SLC25A42: variants seen among roughly 807,000 people sequenced by gnomAD.
SLC25A42 encodes the protein mitochondrial coenzyme A transporter SLC25A42.
Under a neutral mutation model 34.7 loss-of-function variants are expected in SLC25A42, and 19 were observed. The observed-to-expected ratio is 0.55, with a 90% confidence interval of 0.38 to 0.80. The LOEUF (loss-of-function observed/expected upper bound fraction) is 0.80, where lower values mean the gene tolerates loss of function less well. Ranked by LOEUF, SLC25A42 falls within the 30% of genes least tolerant of loss-of-function variation. SLC25A42 has a pLI of 0.00. For synonymous variants in SLC25A42, 205 were observed against 191.2 expected, an observed-to-expected ratio of 1.07 and a Z score of -0.59; for missense variants, 364 against 441.3, an observed-to-expected ratio of 0.82 and a Z score of 1.57.
At chr19:19,074,214 C>G (rs907419466) in intron 1 of SLC25A42, among the ~76,000 whole-genome samples, 1 of 152,104 alleles carries the variant, frequency 6.6e-6, no homozygotes, top group Non-Finnish European at 1.5e-5. Flanking sequence ...CCATAGAGAC[C>G]GCAACAAGGG....
rs150036298 is a variant in SLC25A42 at position 19,103,825 on chromosome 19, C to T, written c.188-1088C>T. Reference sequence around the variant, plus strand: ...TCCGTAAAGTGGAGGCATGGATATCCGCTTCCTCCTTGGCTGGCATGGGCA... The same window carrying T: ...TCCGTAAAGTGGAGGCATGGATATCTGCTTCCTCCTTGGCTGGCATGGGCA... On this transcript the variant is annotated intron_variant, in intron 3 of 7. Coordinates refer to ENST00000318596, the MANE Select transcript of SLC25A42 (RefSeq NM_178526.5). Among the ~76,000 whole-genome samples, 81 of 152,300 alleles carry T rather than the reference C, an allele frequency of 5.3e-4. 2 individuals are homozygous for T. In the South Asian group the frequency reaches 6.8e-3, roughly 13 times the overall value.
Position 19,081,213 on chromosome 19 carries a change from C to CTT in SLC25A42, c.-34-14877_-34-14876dup, listed in dbSNP as rs1324790739. ...GAAGGAGAAATACCCTCCCCACAGA[C>CTT]TTGTCATTGGGGCACATTTCTGCAG... On this transcript the variant is annotated intron_variant, in intron 1 of 7. Transcript: ENST00000318596. The surrounding 1 kb of genome is among the most constrained non-coding windows in gnomAD (Gnocchi z 4.5). Among the ~76,000 whole-genome samples the CTT allele has an allele frequency of 6.6e-6, 1 of 151,972 alleles. No homozygotes were observed. Among genetic ancestry groups the CTT allele is most frequent in the Non-Finnish European group, 1.5e-5 (1 of 67,968 alleles).
At chr19:19,088,693 T>A (rs1337347995) in intron 1 of SLC25A42, among the ~76,000 whole-genome samples, 2 of 150,038 alleles carry the variant, frequency 1.3e-5, no homozygotes, top group Non-Finnish European at 3.0e-5. Context: ...AGAGACAGGG[T>A]TTCACCATGT....
At chr19:19,095,919 A>G (rs1599680976) in intron 1 of SLC25A42, 172 bp from the exon 2 acceptor site, 1 of 676,018 alleles carries the variant, frequency 1.5e-6, no homozygotes, top group East Asian at 2.7e-5. Flanking sequence ...TACCAACAAG[A>G]AAGGCTTTTG....
At position 19,105,647 on chromosome 19, in the gene SLC25A42, G is replaced by A; in HGVS notation, c.300G>A (p.Val100=). 4.3e-6 allele frequency: 7 copies of A among 1,613,692 alleles called. No homozygotes were observed. Among genetic ancestry groups the A allele is most frequent in the Non-Finnish European group, 5.9e-6 (7 of 1,179,886 alleles). Reference sequence around the variant, plus strand: ...GGAACTCGGCCACCATGGTGCGCGTGGTGCCCTACGCCGCCATCCAGTTCA... The same window carrying A: ...GGAACTCGGCCACCATGGTGCGCGTAGTGCCCTACGCCGCCATCCAGTTCA... The part of the protein sequence containing the change: ...WRGNSATMVR[V]VPYAAIQFSA... Residue 100 remains valine, a synonymous_variant, in exon 5 of 8, where the codon GTG becomes GTA. Transcript: ENST00000318596.
intron 1 of SLC25A42, among the ~76,000 whole-genome samples, chr19:19,067,822 C>A (rs2059610198): frequency 6.6e-6 from 1 of 151,912 alleles, no homozygotes. Context: ...TGTTTCGAGA[C>A]TCTCTCCAAT....
chr19:19,096,515 T>A (rs2059766532), intron 2 of SLC25A42, among the ~76,000 whole-genome samples: 1 of 152,038 alleles, frequency 6.6e-6, no homozygotes, highest in African/African-American at 2.4e-5. Flanking sequence ...ACTTGTGATG[T>A]GAATCCAACC....
chr19:19,108,191 C>T (rs1173868412), intron 7 of SLC25A42, 146 bp downstream of exon 7: 10 of 846,178 alleles, frequency 1.2e-5, no homozygotes, highest in South Asian at 2.1e-5. Flanking sequence ...ACATCCAAAT[C>T]GGGAGAAAAC....
chr19:19,107,782 A>C, intron 6 of SLC25A42, 112 bp from the exon 7 acceptor site: 7 of 1,027,230 alleles, frequency 6.8e-6, no homozygotes, highest in Middle Eastern at 3.1e-4. Flanking sequence ...AAACATCAAC[A>C]TCCAGACACA....
chr19:19,078,127 C>T (rs1398062614), intron 1 of SLC25A42, among the ~76,000 whole-genome samples: 1 of 152,166 alleles, frequency 6.6e-6, no homozygotes, highest in Non-Finnish European at 1.5e-5. Flanking sequence ...GTCTTCAAAG[C>T]TCCCAGGGCT....
intron 3 of SLC25A42, among the ~76,000 whole-genome samples, chr19:19,103,508 C>CT (rs1372774827): frequency 6.6e-6 from 1 of 150,950 alleles, no homozygotes; most frequent in Non-Finnish European, 1.5e-5. Flanking sequence ...ATAAGGTCAC[C>CT]TTCTTGGAGA....
At chr19:19,084,460 T>C (rs1043153929) in intron 1 of SLC25A42, among the ~76,000 whole-genome samples, 13 of 152,074 alleles carry the variant, frequency 8.5e-5, no homozygotes, top group Non-Finnish European at 1.3e-4. Context: ...AGCATTTGGG[T>C]TTAATGGACA....
rs916525668 is a variant in SLC25A42, at chr19:19,112,780, G to C, written c.*1904G>C. 1 of 152,780 alleles carries C rather than the reference G, an allele frequency of 6.5e-6. No homozygotes were observed. The highest frequency in any genetic ancestry group is 1.5e-5 in the Non-Finnish European group (1 of 68,178). 9.5% of individuals were successfully genotyped at this position (152,780 alleles called of 1,614,324 possible). ...GCCTCCCTGCTGGTCACTGGTCTTG[G>C]TCTGGAGTTATATTTTGATGCCATG... On this transcript the variant is annotated 3_prime_UTR_variant, in exon 8 of 8. Transcript: ENST00000318596. This position sits in a 1 kb window ranked among gnomAD's most constrained non-coding sequence, Gnocchi z 4.3.
intron 2 of SLC25A42, among the ~76,000 whole-genome samples, chr19:19,097,544 G>A (rs985592856): frequency 5.9e-5 from 9 of 152,354 alleles, no homozygotes; most frequent in Non-Finnish European, 8.8e-5. Context: ...GTCACTTGCC[G>A]GGCATCACAC....
Position 19,096,080 on chromosome 19 carries a change from T to C in SLC25A42, c.-34-11T>C. 1 of 1,556,800 alleles carries C rather than the reference T, an allele frequency of 6.4e-7. No individual in the cohort carries two copies. The highest frequency in any genetic ancestry group is 1.7e-4 in the Middle Eastern group (1 of 5,948). On this transcript the variant is annotated splice_polypyrimidine_tract_variant and intron_variant, in intron 1 of 7. Transcript: ENST00000318596. ...CTCGCCGTATCTTACCACCTCCCCT[T>C]ACCCCCCCAGGACCGAGTCTCCTGC...
intron 5 of SLC25A42, chr19:19,106,033 C>T (rs1204211339): frequency 5.4e-6 from 3 of 554,152 alleles, no homozygotes; most frequent in Non-Finnish European, 9.6e-6. Flanking sequence ...AGGGAAAATA[C>T]GCATCATTAA....
At chr19:19,102,110 G>A (rs1035726785) in intron 3 of SLC25A42, among the ~76,000 whole-genome samples, 12 of 151,804 alleles carry the variant, frequency 7.9e-5, no homozygotes, top group Non-Finnish European at 1.8e-4. Flanking sequence ...CCGGGTTCAC[G>A]CCATTCTCCT....
chr19:19,111,077 G>A lies in SLC25A42; in HGVS notation c.*201G>A, dbSNP rs11544172. The A allele has an allele frequency of 1.6e-6, 1 of 613,970 alleles. No individual in the cohort carries two copies. The highest frequency in any genetic ancestry group is 2.8e-6 in the Non-Finnish European group (1 of 353,790). The allele number at this position is 613,970 out of a possible 1,614,324, so 38.0% of individuals were successfully genotyped here. ...GCAGCCCTGGAAGTGCAGTGTTGGGGCGATGGTGTGGGGGGTCCCGCAGCT... is the reference window on the plus strand; with the variant it reads ...GCAGCCCTGGAAGTGCAGTGTTGGGACGATGGTGTGGGGGGTCCCGCAGCT... On this transcript the variant is annotated 3_prime_UTR_variant, in exon 8 of 8. Transcript: ENST00000318596.
chr19:19,064,652 C>T (rs1181617529), intron 1 of SLC25A42, among the ~76,000 whole-genome samples: 2 of 151,458 alleles, frequency 1.3e-5, no homozygotes, highest in Non-Finnish European at 2.9e-5. Context: ...ACCTGTGTCT[C>T]TCTTCTCAGG....
Sources: allele counts gnomAD v4.1 joint callset (sites outside exome capture counted in the v4.1 genomes callset), GRCh38; gene constraint gnomAD v4.1.1; non-coding constraint Gnocchi (gnomAD v3.1); transcripts MANE v1.5; gene names NCBI Gene and HGNC (gene_info 2026-07-23, HGNC 2026-07-21).